Variants in CPA6 observed in about 807,000 individuals in gnomAD.
The protein encoded by CPA6 is carboxypeptidase B.
Under a neutral mutation model 63.3 loss-of-function variants are expected in CPA6, and 58 were observed. The observed-to-expected ratio is 0.92, with a 90% confidence interval of 0.74 to 1.14. The LOEUF (loss-of-function observed/expected upper bound fraction) is 1.14. Among genes scored for constraint, CPA6 ranks in the 50% most tolerant of loss-of-function variants. The pLI, the probability that CPA6 is intolerant of heterozygous loss-of-function variation, is 0.00. For synonymous variants in CPA6, 185 were observed against 179.0 expected, an observed-to-expected ratio of 1.03 and a Z score of -0.27; for missense variants, 565 against 526.6, an observed-to-expected ratio of 1.07 and a Z score of -0.71.
intron 1 of CPA6, among the ~76,000 whole-genome samples, chr8:67,682,972 A>G (rs1408945159): frequency 6.6e-6 from 1 of 152,176 alleles, no homozygotes; most frequent in Non-Finnish European, 1.5e-5. Flanking sequence ...TCCCCTGCAG[A>G]TCTGCAGAAT....
At chr8:67,512,032 T>C (rs1314433069) in intron 3 of CPA6, among the ~76,000 whole-genome samples, 1 of 152,188 alleles carries the variant, frequency 6.6e-6, no homozygotes, top group African/African-American at 2.4e-5. Flanking sequence ...AATAGCCCTA[T>C]AGTCTATGTG....
At chr8:67,714,104 G>A (rs961973926) in intron 1 of CPA6, among the ~76,000 whole-genome samples, 1 of 152,056 alleles carries the variant, frequency 6.6e-6, no homozygotes, top group African/African-American at 2.4e-5. Flanking sequence ...AATGTTCCAA[G>A]TATCTATAAG....
chr8:67,519,131 G>A (rs769210997), intron 2 of CPA6, among the ~76,000 whole-genome samples: 14 of 152,168 alleles, frequency 9.2e-5, no homozygotes, highest in African/African-American at 3.1e-4. Flanking sequence ...TTCACTACAT[G>A]TTCAGTATTT....
chr8:67,703,930 T>G (rs1486387597), intron 1 of CPA6, among the ~76,000 whole-genome samples: 1 of 149,738 alleles, frequency 6.7e-6, no homozygotes, highest in Non-Finnish European at 1.5e-5. Context: ...TGCTGCTTTT[T>G]TTTTGTTGTT....
chr8:67,577,107 G>A (rs991912119), intron 2 of CPA6, among the ~76,000 whole-genome samples: 1 of 151,922 alleles, frequency 6.6e-6, no homozygotes, highest in Non-Finnish European at 1.5e-5. Context: ...CTCCTGCCTC[G>A]GCCTCCCAAA....
intron 1 of CPA6, among the ~76,000 whole-genome samples, chr8:67,702,631 G>C (rs1039813072): frequency 6.6e-6 from 1 of 152,134 alleles, no homozygotes; most frequent in Admixed American, 6.6e-5. Context: ...AAGGCAAAAT[G>C]GTGGTGTTTA....
intron 2 of CPA6, among the ~76,000 whole-genome samples, chr8:67,552,390 G>A (rs1812958102): frequency 6.6e-6 from 1 of 152,168 alleles, no homozygotes; most frequent in Non-Finnish European, 1.5e-5. Context: ...AGCAGACTAT[G>A]TGCTGAGTAT....
intron 8 of CPA6, among the ~76,000 whole-genome samples, chr8:67,481,793 A>T (rs1811365854): frequency 6.6e-6 from 1 of 152,130 alleles, no homozygotes; most frequent in African/African-American, 2.4e-5. Context: ...CATGCAGCAC[A>T]TAACTGCGGG....
At chr8:67,706,875 T>C (rs948370074) in intron 1 of CPA6, among the ~76,000 whole-genome samples, 12 of 152,228 alleles carry the variant, frequency 7.9e-5, no homozygotes, top group Non-Finnish European at 1.2e-4. Context: ...AATGCAAATG[T>C]AAAGTTTGGT....
intron 1 of CPA6, among the ~76,000 whole-genome samples, chr8:67,657,392 G>C (rs1587677271): frequency 1.3e-5 from 2 of 152,138 alleles, no homozygotes; most frequent in Non-Finnish European, 2.9e-5. Context: ...GGACAAAGAA[G>C]TAAACACACA....
intron 9 of CPA6, among the ~76,000 whole-genome samples, chr8:67,433,029 T>C (rs1195876884): frequency 6.6e-6 from 1 of 152,208 alleles, no homozygotes; most frequent in Admixed American, 6.5e-5. Context: ...ATTGAATTGT[T>C]GGACACCCAA....
chr8:67,614,979 C>T (rs140623566), intron 2 of CPA6, among the ~76,000 whole-genome samples: 2 of 152,294 alleles, frequency 1.3e-5, no homozygotes, highest in African/African-American at 4.8e-5. Flanking sequence ...TGTGCAAGAC[C>T]TCACATGGTT....
chr8:67,604,213 T>C (rs1225103637), intron 2 of CPA6, among the ~76,000 whole-genome samples: 1 of 152,144 alleles, frequency 6.6e-6, no homozygotes, highest in Non-Finnish European at 1.5e-5. Context: ...GAGAACAGAT[T>C]GTGTAAGAGA....
intron 1 of CPA6, among the ~76,000 whole-genome samples, chr8:67,673,309 C>T (rs1235899927): frequency 6.6e-6 from 1 of 151,074 alleles, no homozygotes; most frequent in Non-Finnish European, 1.5e-5. Context: ...ATTTGGATTT[C>T]AATGTTCAGT....
intron 8 of CPA6, among the ~76,000 whole-genome samples, chr8:67,466,588 G>A (rs540260990): frequency 6.6e-6 from 1 of 152,204 alleles, no homozygotes; most frequent in South Asian, 2.1e-4. Flanking sequence ...TTTTAAGGTA[G>A]GCATTTAGCA....
At chr8:67,665,402 G>A (rs1816204528) in intron 1 of CPA6, among the ~76,000 whole-genome samples, 1 of 152,090 alleles carries the variant, frequency 6.6e-6, no homozygotes, top group African/African-American at 2.4e-5. Context: ...CAACAGAATG[G>A]GAAAATGGCA....
intron 2 of CPA6, among the ~76,000 whole-genome samples, chr8:67,590,149 T>A (rs561186761): frequency 1.3e-5 from 2 of 152,228 alleles, no homozygotes; most frequent in South Asian, 4.2e-4. Context: ...GTTTGGTTCT[T>A]TGTCCTTGCC....
intron 1 of CPA6, among the ~76,000 whole-genome samples, chr8:67,732,971 C>T (rs776275876): frequency 4.5e-4 from 68 of 151,812 alleles, no homozygotes; most frequent in Non-Finnish European, 7.1e-4. Context: ...CTGAGGCGGG[C>T]GGATCATGAG....
Position 67,675,340 on chromosome 8 carries a change from G to A in CPA6, c.117-51089C>T, listed in dbSNP as rs72657284. 9.4e-3 allele frequency among the ~76,000 whole-genome samples: 1,437 copies of A among 152,136 alleles called. 10 individuals carry two copies. The highest frequency in any genetic ancestry group is 0.015 in the Non-Finnish European group (996 of 67,998). On this transcript the variant is annotated intron_variant, in intron 1 of 10. Coordinates refer to ENST00000297770, the MANE Select transcript of CPA6 (RefSeq NM_020361.5). Reference sequence around the variant, plus strand: ...TGACTCTCCTCCTGTCTTCACAATCGAGGGGCTGCCTGCCTGTAACTCTGG... The same window carrying A: ...TGACTCTCCTCCTGTCTTCACAATCAAGGGGCTGCCTGCCTGTAACTCTGG...
Sources: gnomAD v4.1 joint callset for allele counts (sites outside exome capture counted in the v4.1 genomes callset) on GRCh38, gnomAD v4.1.1 for gene constraint, MANE v1.5 for transcripts, NCBI Gene and HGNC (gene_info 2026-07-23, HGNC 2026-07-21) for gene names.